CLHC1: variants seen among roughly 807,000 people sequenced by gnomAD.
The protein encoded by CLHC1 is clathrin heavy chain linker domain-containing protein 1.
CLHC1 carries 72 observed loss-of-function variants against 69.5 expected under a neutral mutation model. The observed-to-expected ratio is 1.04, with a 90% CI of 0.86 to 1.26. The LOEUF is 1.26. Ranked by LOEUF, CLHC1 falls within the 50% of genes most tolerant of loss-of-function variation. The pLI is 0.00. For synonymous variants in CLHC1, 223 were observed against 224.3 expected (o/e 0.99, Z 0.05); for missense variants, 790 against 679.3 (o/e 1.16, Z -1.81).
intron 9 of CLHC1, among the ~76,000 whole-genome samples, chr2:55,190,067 C>T (rs192042484): frequency 2.0e-5 from 3 of 151,496 alleles, no homozygotes; most frequent in Admixed American, 6.6e-5. Context: ...TTTTTTGAGA[C>T]GGAGTCTCAC....
intron 9 of CLHC1, among the ~76,000 whole-genome samples, chr2:55,200,117 G>C (rs1248603646): frequency 6.0e-5 from 9 of 151,258 alleles, no homozygotes; most frequent in African/African-American, 2.2e-4. Context: ...CCAGCTACTT[G>C]ACAGGGTGAG....
At chr2:55,223,096 A>G (rs1014389536) in intron 2 of CLHC1, among the ~76,000 whole-genome samples, 20 of 152,190 alleles carry the variant, frequency 1.3e-4, no homozygotes, top group Non-Finnish European at 2.2e-4. Flanking sequence ...ACTTTCTAAT[A>G]GAAGGTTTGG....
chr2:55,202,314 G>C (rs1170678818), intron 9 of CLHC1, among the ~76,000 whole-genome samples: 1 of 150,940 alleles, frequency 6.6e-6, no homozygotes, highest in Non-Finnish European at 1.5e-5. Flanking sequence ...CCAGCACTTT[G>C]GGAGACCGAG....
intron 4 of CLHC1, among the ~76,000 whole-genome samples, chr2:55,213,605 AC>A (rs34480480): frequency 0.48 from 73,199 of 152,002 alleles, 17,785 homozygotes; most frequent in East Asian, 0.51. Flanking sequence ...CTGAGATAAA[AC>A]TAAGTTTATC....
At chr2:55,219,647 C>G (rs1214720654) in intron 3 of CLHC1, among the ~76,000 whole-genome samples, 2 of 151,956 alleles carry the variant, frequency 1.3e-5, no homozygotes, top group Non-Finnish European at 2.9e-5. Flanking sequence ...TATAGTCAGC[C>G]CACTTAACTC....
chr2:55,176,752 C>T (rs1019008387), intron 12 of CLHC1, among the ~76,000 whole-genome samples: 2 of 152,008 alleles, frequency 1.3e-5, no homozygotes, highest in Non-Finnish European at 2.9e-5. Flanking sequence ...TAGTTGATAT[C>T]TGTAATGATA....
intron 9 of CLHC1, among the ~76,000 whole-genome samples, chr2:55,197,863 C>A (rs957434840): frequency 6.6e-6 from 1 of 152,142 alleles, no homozygotes; most frequent in Non-Finnish European, 1.5e-5. Context: ...AATAAGGTAA[C>A]AGGGCCAATC....
rs766427171 is a variant in CLHC1 at position 55,181,661 on chromosome 2, G to T, written c.1090C>A (p.Pro364Thr). ...LFITSHAFPC[P>T]VDAALTLEGI... The stretch of plus-strand genomic sequence containing the variant: ...TCCAGGGTTAGAGCTGCATCAACAG[G>T]ACATGGAAAAGCATGACTTGTGATA... The change falls in exon 10 of 13, where the codon CCT (proline) becomes ACT (threonine). Residue 364 changes from proline to threonine, a missense_variant. Physicochemically the swap from Pro to Thr is conservative, Grantham distance 38. Transcript: ENST00000401408. 104 of 1,613,364 alleles carry T rather than the reference G, an allele frequency of 6.4e-5. No homozygotes were observed. Among genetic ancestry groups the T allele is most frequent in the Non-Finnish European group, 8.6e-5 (102 of 1,179,578 alleles).
chr2:55,231,252 G>GAA (rs34262405), intron 1 of CLHC1, among the ~76,000 whole-genome samples: 190 of 103,102 alleles, frequency 1.8e-3, no homozygotes, highest in African/African-American at 5.7e-3. Context: ...TCCGTCTCAC[G>GAA]AAAAAAAAAA....
chr2:55,183,442 GACTCT>G (rs1195958642), intron 9 of CLHC1, among the ~76,000 whole-genome samples: 1 of 152,140 alleles, frequency 6.6e-6, no homozygotes, highest in Non-Finnish European at 1.5e-5. Context: ...TTGAACTTTA[GACTCT>G]ATCAAGTCTA....
At chr2:55,228,880 C>A (rs1477965051) in intron 1 of CLHC1, among the ~76,000 whole-genome samples, 1 of 151,962 alleles carries the variant, frequency 6.6e-6, no homozygotes, top group Non-Finnish European at 1.5e-5. Flanking sequence ...CCAGGCACAG[C>A]GGCTCATGCC....
intron 9 of CLHC1, among the ~76,000 whole-genome samples, chr2:55,201,738 T>C (rs1303505560): frequency 1.3e-5 from 2 of 152,138 alleles, no homozygotes; most frequent in Non-Finnish European, 2.9e-5. Flanking sequence ...TCAATAATTC[T>C]GATAAACATT....
At chr2:55,212,901 T>C in intron 4 of CLHC1, 95 bp from the exon 5 acceptor site, 1 of 939,220 alleles carries the variant, frequency 1.1e-6, no homozygotes. Flanking sequence ...TACTTTATTT[T>C]GAACCATTAT....
intron 12 of CLHC1, 114 bp downstream of exon 12, chr2:55,177,488 C>G (rs1385299507): frequency 3.3e-6 from 2 of 599,856 alleles, no homozygotes; most frequent in Non-Finnish European, 5.5e-6. Context: ...CTAAAGTTAA[C>G]TCTTGCTAAG....
intron 9 of CLHC1, among the ~76,000 whole-genome samples, chr2:55,199,657 G>A (rs1183979663): frequency 6.6e-6 from 1 of 152,154 alleles, no homozygotes; most frequent in Non-Finnish European, 1.5e-5. Context: ...TATGCAATCA[G>A]TGTTGTAATC....
chr2:55,209,583 C>T, intron 6 of CLHC1, 47 bp downstream of exon 6: 1 of 1,592,468 alleles, frequency 6.3e-7, no homozygotes, highest in Non-Finnish European at 8.6e-7. Context: ...TTAGAATAAA[C>T]ACAAATAAAA....
chr2:55,212,900 T>C (rs943990838), intron 4 of CLHC1, 94 bp from the exon 5 acceptor site: 35 of 994,084 alleles, frequency 3.5e-5, no homozygotes, highest in Non-Finnish European at 5.2e-5. Context: ...TTACTTTATT[T>C]TGAACCATTA....
chr2:55,185,976 G>A (rs539829397), intron 9 of CLHC1, among the ~76,000 whole-genome samples: 1 of 152,302 alleles, frequency 6.6e-6, no homozygotes, highest in South Asian at 2.1e-4. Context: ...AGTATTTTAA[G>A]ATTTAAGTAA....
At position 55,222,499 on chromosome 2, in the gene CLHC1, A is replaced by AT; in HGVS notation, c.-82-7_-82-6insA. 1 of 873,936 alleles carries AT rather than the reference A, an allele frequency of 1.1e-6. No homozygotes were observed. The highest frequency in any genetic ancestry group is 2.5e-5 in the East Asian group (1 of 39,432). 54.1% of individuals were successfully genotyped at this position (873,936 alleles called of 1,614,324 possible). A position where few individuals can be genotyped will look rare whatever the true frequency, so the allele number is the denominator to read the frequency against. On this transcript the variant is annotated splice_polypyrimidine_tract_variant and splice_region_variant and intron_variant, in intron 2 of 12. Coordinates refer to ENST00000401408, the MANE Select transcript of CLHC1 (RefSeq NM_152385.4). ...AAGCCAAAACTTTGATAAGCCTGAAAGAAAAAAAGAGCATCAATTAATATA... is the reference window on the plus strand; with the variant it reads ...AAGCCAAAACTTTGATAAGCCTGAAATGAAAAAAAGAGCATCAATTAATATA...
Sources: allele counts gnomAD v4.1 joint callset (sites outside exome capture counted in the v4.1 genomes callset), GRCh38; gene constraint gnomAD v4.1.1; transcripts MANE v1.5; gene names NCBI Gene and HGNC (gene_info 2026-07-23, HGNC 2026-07-21).